The following ASTN2 variants were observed in gnomAD, a reference collection of about 807,000 sequenced individuals.
ASTN2 encodes astrotactin 2.
Under a neutral mutation model 139.8 loss-of-function variants are expected in ASTN2, and 54 were observed. That is an observed-to-expected ratio of 0.39 (90% CI 0.31 to 0.48). The LOEUF is 0.48. Ranked by LOEUF, ASTN2 falls within the 20% of genes least tolerant of loss-of-function variation. ASTN2 has a pLI of 0.95. For synonymous variants in ASTN2, 756 were observed against 719.5 expected, an observed-to-expected ratio of 1.05 and a Z score of -0.81; for missense variants, 1,565 against 1,725.1, an observed-to-expected ratio of 0.91 and a Z score of 1.64.
Position 116,578,618 on chromosome 9 carries a change from A to ACGCGCGCG in ASTN2, c.3355+39705_3355+39706insCGCGCGCG, listed in dbSNP as rs149967114. On this transcript the variant is annotated intron_variant, in intron 19 of 22. Transcript: ENST00000313400. ...TTTGAACCCAGGCCGTCTGGCTCCA[A>ACGCGCGCG]CGTGTGTGTGTGTGTGTGTGTGTGT... Among the ~76,000 whole-genome samples, 738 of 98,612 alleles carry ACGCGCGCG rather than the reference A, an allele frequency of 7.5e-3. 7 individuals carry two copies. The highest frequency in any genetic ancestry group is 0.026 in the African/African-American group (701 of 26,874). The allele number at this position is 98,612 out of a possible 152,430, so 64.7% of individuals were successfully genotyped here.
At chr9:117,152,292 A>G (rs1380077677) in intron 3 of ASTN2, among the ~76,000 whole-genome samples, 1 of 152,158 alleles carries the variant, frequency 6.6e-6, no homozygotes, top group Non-Finnish European at 1.5e-5. Flanking sequence ...ATAAATACTA[A>G]GTTCTCCATT....
At chr9:116,723,968 C>CA (rs1554738083) in intron 16 of ASTN2, among the ~76,000 whole-genome samples, 2 of 150,640 alleles carry the variant, frequency 1.3e-5, no homozygotes, top group African/African-American at 2.4e-5. Flanking sequence ...CTTTCTTCCC[C>CA]TCTCCCATCT....
intron 10 of ASTN2, among the ~76,000 whole-genome samples, chr9:116,914,704 T>G (rs7018707): frequency 0.2 from 30,316 of 151,644 alleles, 3,548 homozygotes; most frequent in Non-Finnish European, 0.25. Flanking sequence ...CAACCCTGGG[T>G]GGCAGGACCA....
chr9:117,010,692 C>T (rs1837501931), intron 6 of ASTN2, among the ~76,000 whole-genome samples: 1 of 145,896 alleles, frequency 6.9e-6, no homozygotes. Context: ...GAGGCAGACA[C>T]AGGCATTCAG....
At chr9:116,862,803 CA>C (rs1416756485) in intron 11 of ASTN2, among the ~76,000 whole-genome samples, 8 of 84,876 alleles carry the variant, frequency 9.4e-5, no homozygotes, top group African/African-American at 1.3e-4. Flanking sequence ...CCAACACACA[CA>C]AATACACACA....
chr9:116,479,754 G>A (rs1351394575), intron 20 of ASTN2, among the ~76,000 whole-genome samples: 1 of 152,192 alleles, frequency 6.6e-6, no homozygotes, highest in African/African-American at 2.4e-5. Context: ...AACTAAAAGT[G>A]TGTTTTCCAT....
chr9:117,016,790 TATATATAGG>T (rs1435034951), intron 6 of ASTN2, among the ~76,000 whole-genome samples: 2 of 68,810 alleles, frequency 2.9e-5, no homozygotes, highest in Admixed American at 1.7e-4. Flanking sequence ...ATATATAGGT[TATATATAGG>T]TTATATATAT....
At chr9:116,759,532 G>C (rs770871289) in intron 13 of ASTN2, among the ~76,000 whole-genome samples, 1 of 152,016 alleles carries the variant, frequency 6.6e-6, no homozygotes, top group Admixed American at 6.6e-5. Context: ...CTGGGTCACT[G>C]ACTTGGCTAG....
At chr9:117,372,161 T>A (rs973992335) in intron 1 of ASTN2, among the ~76,000 whole-genome samples, 2 of 152,152 alleles carry the variant, frequency 1.3e-5, no homozygotes, top group African/African-American at 4.8e-5. Context: ...GGCCAGTGTG[T>A]GCACATTAGC....
At chr9:117,038,833 A>G (rs1219289541) in intron 6 of ASTN2, among the ~76,000 whole-genome samples, 2 of 152,188 alleles carry the variant, frequency 1.3e-5, no homozygotes, top group African/African-American at 4.8e-5. Context: ...ATAGATAGTA[A>G]CCACCTTAAT....
intron 1 of ASTN2, among the ~76,000 whole-genome samples, chr9:117,292,485 T>C (rs965915358): frequency 6.6e-6 from 1 of 152,180 alleles, no homozygotes; most frequent in Non-Finnish European, 1.5e-5. Context: ...GTGAATCTTA[T>C]GCATGAATAC....
At chr9:116,946,952 C>CAA (rs1055796342) in intron 10 of ASTN2, among the ~76,000 whole-genome samples, 4 of 105,364 alleles carry the variant, frequency 3.8e-5, no homozygotes, top group African/African-American at 9.3e-5. Flanking sequence ...AAAAAAAAAA[C>CAA]AACCCAGATT....
chr9:117,224,394 T>TA (rs938650506), intron 2 of ASTN2, among the ~76,000 whole-genome samples: 10 of 151,640 alleles, frequency 6.6e-5, no homozygotes, highest in East Asian at 1.9e-4. Context: ...CCTTGTTTCC[T>TA]AAAAAAAAAT....
intron 19 of ASTN2, among the ~76,000 whole-genome samples, chr9:116,581,589 C>A (rs1853955413): frequency 6.6e-6 from 1 of 152,166 alleles, no homozygotes. Flanking sequence ...GTCCTCATAT[C>A]CAATTGTCTT....
At chr9:116,453,876 T>C (rs1019124825) in intron 20 of ASTN2, among the ~76,000 whole-genome samples, 27 of 152,206 alleles carry the variant, frequency 1.8e-4, no homozygotes, top group African/African-American at 5.8e-4. Flanking sequence ...AGTTACCCCA[T>C]GACAGCAATA....
At position 116,827,620 on chromosome 9, in the gene ASTN2, C is replaced by T. The variant is rs1335523062; in HGVS notation, c.2041-6837G>A. On this transcript the variant is annotated intron_variant, in intron 11 of 22. Coordinates refer to ENST00000313400, the MANE Select transcript of ASTN2 (RefSeq NM_001365068.1). ...TATGAAGACTATTATGTTCACAAAC[C>T]AGAGAACTTAGAAAAAAATGAATAT... Among the ~76,000 whole-genome samples, 10 of 152,030 alleles carry T rather than the reference C, an allele frequency of 6.6e-5. No homozygotes were observed. The East Asian group carries it at 1.9e-3, about 29-fold the overall frequency.
chr9:117,134,339 C>CACACAT (rs1248375154), intron 4 of ASTN2, among the ~76,000 whole-genome samples: 11 of 139,200 alleles, frequency 7.9e-5, no homozygotes, highest in African/African-American at 1.7e-4. Flanking sequence ...CACACACACA[C>CACACAT]GCCTGTGTTC....
intron 1 of ASTN2, among the ~76,000 whole-genome samples, chr9:117,302,604 A>T (rs530224025): frequency 1.3e-5 from 2 of 152,178 alleles, no homozygotes; most frequent in East Asian, 3.9e-4. Context: ...TGTCAACCCC[A>T]ACCCCCACAC....
intron 16 of ASTN2, among the ~76,000 whole-genome samples, chr9:116,723,543 G>A (rs941863992): frequency 1.3e-5 from 2 of 152,082 alleles, no homozygotes; most frequent in African/African-American, 2.4e-5. Flanking sequence ...ATCCTGGCCT[G>A]GTTTCCAACG....
Sources: gnomAD v4.1 joint callset for allele counts (sites outside exome capture counted in the v4.1 genomes callset) on GRCh38, gnomAD v4.1.1 for gene constraint, MANE v1.5 for transcripts, NCBI Gene and HGNC (gene_info 2026-07-23, HGNC 2026-07-21) for gene names.